Variants in NFATC2 observed in about 807,000 individuals in gnomAD.
NFATC2 encodes nuclear factor of activated T-cells, cytoplasmic 2.
NFATC2 carries 22 observed loss-of-function variants against 87.3 expected under a neutral mutation model. The observed-to-expected ratio is 0.25, with a 90% CI of 0.18 to 0.36. The LOEUF (loss-of-function observed/expected upper bound fraction) is 0.36, where lower values mean the gene tolerates loss of function less well. Among genes scored for constraint, NFATC2 ranks in the 10% least tolerant of loss-of-function variants. NFATC2 has a pLI of 1.00. For missense variants in NFATC2, 1,149 were observed against 1,259.1 expected, an observed-to-expected ratio of 0.91 and a Z score of 1.32; for synonymous variants, 565 against 542.2, an observed-to-expected ratio of 1.04 and a Z score of -0.58.
chr20:51,424,523 T>A (rs1249659253), intron 9 of NFATC2, among the ~76,000 whole-genome samples: 1 of 151,854 alleles, frequency 6.6e-6, no homozygotes, highest in Non-Finnish European at 1.5e-5. Flanking sequence ...ACCCAGAGAG[T>A]CGGGCACCAT....
chr20:51,537,671 C>G (rs1040723665), intron 1 of NFATC2, among the ~76,000 whole-genome samples: 1 of 152,148 alleles, frequency 6.6e-6, no homozygotes, highest in African/African-American at 2.4e-5. Flanking sequence ...AAATAAGAGT[C>G]CATTGTATTC....
chr20:51,405,669 C>A (rs1392952986), intron 9 of NFATC2, among the ~76,000 whole-genome samples: 1 of 152,146 alleles, frequency 6.6e-6, no homozygotes, highest in South Asian at 2.1e-4. Flanking sequence ...AAGGCACAGA[C>A]CTCATCTCTC....
In NFATC2 at chr20:51,480,542, G is replaced by A. The variant is rs975125151; in HGVS notation, c.1333-4882C>T. Reference sequence around the variant, plus strand: ...GATAGAATCCACCTGGCACTGGTGAGGGTCCCTTCCCCGCCTCCCCGGGTA... The same window carrying A: ...GATAGAATCCACCTGGCACTGGTGAAGGTCCCTTCCCCGCCTCCCCGGGTA... On this transcript the variant is annotated intron_variant, in intron 3 of 10. Coordinates refer to ENST00000371564, the MANE Select transcript of NFATC2 (RefSeq NM_012340.5). This position sits in a 1 kb window ranked among gnomAD's most constrained non-coding sequence, Gnocchi z 4.2. 5.3e-5 allele frequency among the ~76,000 whole-genome samples: 8 copies of A among 152,180 alleles called. No homozygotes were observed. Among genetic ancestry groups the A allele is most frequent in the Non-Finnish European group, 4.4e-5 (3 of 68,032 alleles).
At chr20:51,500,730 A>C (rs1176310082) in intron 3 of NFATC2, among the ~76,000 whole-genome samples, 1 of 34,658 alleles carries the variant, frequency 2.9e-5, no homozygotes, top group African/African-American at 1.4e-4. Flanking sequence ...CCTCGCCCTC[A>C]CCCTCACCAA....
chr20:51,416,471 G>A (rs1980053701), intron 9 of NFATC2, among the ~76,000 whole-genome samples: 1 of 152,160 alleles, frequency 6.6e-6, no homozygotes, highest in South Asian at 2.1e-4. Flanking sequence ...CAAACAGGAA[G>A]CCATGATGAA....
intron 9 of NFATC2, among the ~76,000 whole-genome samples, chr20:51,408,942 C>T (rs1323473758): frequency 5.9e-5 from 9 of 152,162 alleles, no homozygotes; most frequent in African/African-American, 2.2e-4. Flanking sequence ...AGTGACCTGA[C>T]AACACATCAT....
chr20:51,536,179 A>G (rs77489916), intron 1 of NFATC2, among the ~76,000 whole-genome samples: 83 of 152,310 alleles, frequency 5.4e-4, no homozygotes, highest in Non-Finnish European at 9.0e-4. Context: ...GCAAGATACA[A>G]TTTCTAATTA....
At chr20:51,511,725 T>C (rs2076274627) in intron 3 of NFATC2, among the ~76,000 whole-genome samples, 1 of 152,252 alleles carries the variant, frequency 6.6e-6, no homozygotes, top group Non-Finnish European at 1.5e-5. Flanking sequence ...CACCTTGATC[T>C]TTCCCCTGGT....
At chr20:51,408,042 G>C (rs542378450) in intron 9 of NFATC2, among the ~76,000 whole-genome samples, 1 of 152,192 alleles carries the variant, frequency 6.6e-6, no homozygotes, top group Non-Finnish European at 1.5e-5. Context: ...CATCCGCTCA[G>C]GCCACTGAGT....
At chr20:51,403,127 A>C (rs1988222361) in intron 9 of NFATC2, among the ~76,000 whole-genome samples, 1 of 152,238 alleles carries the variant, frequency 6.6e-6, no homozygotes, top group Non-Finnish European at 1.5e-5. Context: ...GCCATGTCAC[A>C]GTTTCTTCCA....
At chr20:51,458,008 C>T (rs1986755692) in intron 5 of NFATC2, among the ~76,000 whole-genome samples, 1 of 152,012 alleles carries the variant, frequency 6.6e-6, no homozygotes, top group Non-Finnish European at 1.5e-5. Flanking sequence ...ACCTCAGCCT[C>T]CCGAGTAGCT....
At chr20:51,514,165 A>G (rs1457226315) in intron 3 of NFATC2, among the ~76,000 whole-genome samples, 2 of 152,250 alleles carry the variant, frequency 1.3e-5, no homozygotes, top group African/African-American at 4.8e-5. Flanking sequence ...ATGTAAGCTC[A>G]TGATGGTGAG....
intron 2 of NFATC2, among the ~76,000 whole-genome samples, chr20:51,521,449 T>C (rs984356602): frequency 2.0e-5 from 3 of 152,128 alleles, no homozygotes; most frequent in African/African-American, 7.2e-5. Context: ...GCCTCCCGAG[T>C]AGCTGGGATT....
intron 9 of NFATC2, among the ~76,000 whole-genome samples, chr20:51,407,669 C>T (rs6096414): frequency 6.6e-6 from 1 of 152,196 alleles, no homozygotes. Context: ...TAGTGAAATC[C>T]TGATCCCAAA....
chr20:51,440,236 CA>C lies in NFATC2; in HGVS notation c.1850-4476del, dbSNP rs34071345. ...GGGCAACAAGAGCAAAACTCCATCT[CA>C]AAAAAAAAAAAAAAAAAAAAATGTT... is the stretch of plus-strand genomic sequence containing the variant. On this transcript the variant is annotated intron_variant, in intron 6 of 10. Transcript: ENST00000371564. Among the ~76,000 whole-genome samples the C allele has an allele frequency of 4.3e-3, 414 of 97,186 alleles. 2 individuals carry two copies. Among genetic ancestry groups the C allele is most frequent in the Admixed American group, 6.7e-3 (61 of 9,048 alleles). 63.8% of individuals were successfully genotyped at this position (97,186 alleles called of 152,430 possible).
chr20:51,555,973 C>G (rs771884465), intron 1 of NFATC2, among the ~76,000 whole-genome samples: 2 of 152,190 alleles, frequency 1.3e-5, no homozygotes, highest in African/African-American at 2.4e-5. Context: ...AGTGTCTTTG[C>G]AGATGTAATC....
At chr20:51,561,850 T>C (rs2077036033) in intron 1 of NFATC2, among the ~76,000 whole-genome samples, 1 of 152,056 alleles carries the variant, frequency 6.6e-6, no homozygotes, top group Admixed American at 6.6e-5. Context: ...TTTTCATATC[T>C]TATGCTCCTT....
chr20:51,410,342 T>A (rs1347154053), intron 9 of NFATC2, among the ~76,000 whole-genome samples: 1 of 152,218 alleles, frequency 6.6e-6, no homozygotes, highest in African/African-American at 2.4e-5. Context: ...AACTGTTTTT[T>A]TAAAGTCATC....
chr20:51,439,855 T>A (rs1568979465), intron 6 of NFATC2, among the ~76,000 whole-genome samples: 1 of 152,214 alleles, frequency 6.6e-6, no homozygotes, highest in African/African-American at 2.4e-5. Flanking sequence ...CTGCCTCTTA[T>A]CCAACATATG....
Sources: gnomAD v4.1 joint callset for allele counts (sites outside exome capture counted in the v4.1 genomes callset) on GRCh38, gnomAD v4.1.1 for gene constraint, Gnocchi (gnomAD v3.1) non-coding constraint, MANE v1.5 for transcripts, NCBI Gene and HGNC (gene_info 2026-07-23, HGNC 2026-07-21) for gene names.